VPS53: variants seen among roughly 807,000 people sequenced by gnomAD.
VPS53 encodes the protein vacuolar protein sorting-associated protein 53 homolog.
VPS53 carries 70 observed loss-of-function variants against 107.0 expected under a neutral mutation model. That is an observed-to-expected ratio of 0.65 (90% CI 0.54 to 0.80). The LOEUF is 0.80. Ranked by LOEUF, VPS53 falls within the 30% of genes least tolerant of loss-of-function variation. The pLI is 0.00. For synonymous variants in VPS53, 409 were observed against 393.3 expected (o/e 1.04, Z -0.47); for missense variants, 917 against 1,049.4 (o/e 0.87, Z 1.74).
chr17:521,649 G>A lies in VPS53; in HGVS notation c.2175C>T (p.Tyr725=), dbSNP rs1315297617. ...TCATGCCTTTGACAACGATCTTGGTGTAGCTGGCGGGTGCCTTCCTCACCA... is the reference window on the plus strand; with the variant it reads ...TCATGCCTTTGACAACGATCTTGGTATAGCTGGCGGGTGCCTTCCTCACCA... The part of the protein sequence containing the change: ...SQVVRKAPAS[Y]TKIVVKGMTR... Residue 725 remains tyrosine, a synonymous_variant, in exon 20 of 22, where the codon TAC becomes TAT. Coordinates refer to ENST00000437048, the MANE Select transcript of VPS53 (RefSeq NM_001128159.3). 1 of 1,551,342 alleles carries A rather than the reference G, an allele frequency of 6.4e-7. No homozygotes were observed. The highest frequency in any genetic ancestry group is 8.7e-7 in the Non-Finnish European group (1 of 1,146,700).
At chr17:536,899 G>C in intron 18 of VPS53, 129 bp downstream of exon 18, 1 of 1,166,072 alleles carries the variant, frequency 8.6e-7, no homozygotes, top group South Asian at 1.6e-5. Flanking sequence ...TGTGCATGTT[G>C]GGGGGGTCAG....
intron 7 of VPS53, among the ~76,000 whole-genome samples, chr17:638,886 T>C (rs1970310707): frequency 6.6e-6 from 1 of 152,194 alleles, no homozygotes; most frequent in Non-Finnish European, 1.5e-5. Context: ...AGTCTGACAG[T>C]TATGTGTCTT....
intron 8 of VPS53, 79 bp from the exon 9 acceptor site, chr17:628,310 T>G: frequency 6.5e-7 from 1 of 1,537,178 alleles, no homozygotes; most frequent in Non-Finnish European, 8.9e-7. Flanking sequence ...CACTACTTGT[T>G]ATCTCTACGC....
At position 710,036 on chromosome 17, in the gene VPS53, T is replaced by C. The variant is rs555258205; in HGVS notation, c.168+497A>G. Among the ~76,000 whole-genome samples, 7 of 152,090 alleles carry C rather than the reference T, an allele frequency of 4.6e-5. No individual in the cohort carries two copies. In the East Asian group the frequency reaches 1.4e-3, roughly 29 times the overall value. On this transcript the variant is annotated intron_variant, in intron 2 of 21. Coordinates refer to ENST00000437048, the MANE Select transcript of VPS53 (RefSeq NM_001128159.3). Reference sequence around the variant, plus strand: ...GGTGGGTACCTATAGTGCCAGCTACTCAGGAGGCTGAGGCAGAAGAATCGC... The same window carrying C: ...GGTGGGTACCTATAGTGCCAGCTACCCAGGAGGCTGAGGCAGAAGAATCGC...
chr17:543,282 C>G (rs1020289898), intron 17 of VPS53, among the ~76,000 whole-genome samples: 1 of 152,204 alleles, frequency 6.6e-6, no homozygotes, highest in African/African-American at 2.4e-5. Context: ...AAAATGAGAA[C>G]AGACTTGAGA....
At chr17:583,023 C>G (rs1967124779) in intron 13 of VPS53, among the ~76,000 whole-genome samples, 1 of 150,704 alleles carries the variant, frequency 6.6e-6, no homozygotes, top group South Asian at 2.1e-4. Flanking sequence ...TCCCTCAGAA[C>G]CTCAGTGCAT....
chr17:534,984 G>A (rs966559138), intron 18 of VPS53, among the ~76,000 whole-genome samples: 1 of 151,800 alleles, frequency 6.6e-6, no homozygotes, highest in Non-Finnish European at 1.5e-5. Flanking sequence ...TACAGGTGGC[G>A]ATGGGGGGAG....
chr17:550,428 T>C (rs1911715335), intron 17 of VPS53, among the ~76,000 whole-genome samples: 1 of 152,212 alleles, frequency 6.6e-6, no homozygotes, highest in Non-Finnish European at 1.5e-5. Flanking sequence ...TGTGGGCTAG[T>C]CTCTGTTGCA....
intron 4 of VPS53, among the ~76,000 whole-genome samples, chr17:688,229 T>A (rs968495362): frequency 6.6e-6 from 1 of 152,174 alleles, no homozygotes; most frequent in Admixed American, 6.5e-5. Flanking sequence ...GGGTGGTTTC[T>A]CCCATTCTAT....
At chr17:552,090 A>G in intron 16 of VPS53, 140 bp from the exon 17 acceptor site, 1 of 718,522 alleles carries the variant, frequency 1.4e-6, no homozygotes, top group Non-Finnish European at 2.2e-6. Flanking sequence ...GCGGAGGAAC[A>G]GCTTGGCTCT....
In VPS53 at chr17:592,847, A is replaced by G. The variant is rs181629189; in HGVS notation, c.1219-6483T>C. On this transcript the variant is annotated intron_variant, in intron 12 of 21. Coordinates refer to ENST00000437048, the MANE Select transcript of VPS53 (RefSeq NM_001128159.3). The stretch of plus-strand genomic sequence containing the variant: ...TTTTCCTTCATTTCAACCTTGGTGA[A>G]TCTGACAATTATGTGTCTTGGTGTT... Among the ~76,000 whole-genome samples the G allele has an allele frequency of 3.5e-4, 54 of 152,156 alleles. 1 individual carries two copies. In the East Asian group the frequency reaches 6.6e-3, roughly 18 times the overall value.
At chr17:662,156 T>C (rs1971461522) in intron 4 of VPS53, among the ~76,000 whole-genome samples, 1 of 152,156 alleles carries the variant, frequency 6.6e-6, no homozygotes, top group African/African-American at 2.4e-5. Flanking sequence ...CCTCAGTCAT[T>C]ACTGTACATG....
chr17:620,372 A>C (rs1969418308), intron 11 of VPS53, among the ~76,000 whole-genome samples: 1 of 152,210 alleles, frequency 6.6e-6, no homozygotes, highest in African/African-American at 2.4e-5. Context: ...ATTGCACTGA[A>C]GTCTCAGGGT....
intron 12 of VPS53, among the ~76,000 whole-genome samples, chr17:594,060 C>CA (rs1967821060): frequency 6.6e-6 from 1 of 151,256 alleles, no homozygotes; most frequent in Non-Finnish European, 1.5e-5. Flanking sequence ...ATCGCAAGAA[C>CA]AAAAAACCAA....
intron 4 of VPS53, chr17:675,129 T>C (rs1259749956): frequency 2.6e-5 from 4 of 152,166 alleles, no homozygotes; most frequent in Admixed American, 6.5e-5. Context: ...CTTAAAACAG[T>C]ACATCCTTAA....
rs35522489 is a variant in VPS53 at position 712,177 on chromosome 17, C to CTTT, written c.88-1567_88-1565dup. Among the ~76,000 whole-genome samples the CTTT allele has an allele frequency of 2.2e-4, 22 of 98,460 alleles. 1 individual carries two copies. Among genetic ancestry groups the CTTT allele is most frequent in the African/African-American group, 8.8e-4 (20 of 22,742 alleles). The allele number at this position is 98,460 out of a possible 152,430, so 64.6% of individuals were successfully genotyped here. A position where few individuals can be genotyped will look rare whatever the true frequency, so the allele number is the denominator to read the frequency against. On this transcript the variant is annotated intron_variant, in intron 1 of 21. Coordinates refer to ENST00000437048, the MANE Select transcript of VPS53 (RefSeq NM_001128159.3). ...TTTTCATGTCTAGAGTGACTTTCGC[C>CTTT]TTTTTTTTTTTTTTTTTTTTCGAGA...
intron 12 of VPS53, among the ~76,000 whole-genome samples, chr17:590,402 T>G (rs1967577674): frequency 1.3e-5 from 2 of 151,832 alleles, no homozygotes; most frequent in Non-Finnish European, 2.9e-5. Context: ...TGGCCAGAAC[T>G]TCCAACACTA....
chr17:579,595 C>T (rs1171924890), intron 13 of VPS53, among the ~76,000 whole-genome samples: 1 of 151,352 alleles, frequency 6.6e-6, no homozygotes. Context: ...CTAATGTGTT[C>T]CCAGAGAACC....
intron 19 of VPS53, among the ~76,000 whole-genome samples, chr17:528,313 C>A (rs79285919): frequency 0.04 from 6,032 of 152,256 alleles, 189 homozygotes; most frequent in Non-Finnish European, 0.054. Context: ...TACGGATTTG[C>A]CTGTTCTGGA....
Sources: allele counts gnomAD v4.1 joint callset (sites outside exome capture counted in the v4.1 genomes callset), GRCh38; gene constraint gnomAD v4.1.1; transcripts MANE v1.5; gene names NCBI Gene and HGNC (gene_info 2026-07-23, HGNC 2026-07-21).